QTMAN: variants seen among roughly 807,000 people sequenced by gnomAD.
QTMAN encodes queuosine-tRNA mannosyltransferase.
the QTMAN span, among the ~76,000 whole-genome samples, chr2:144,142,797 C>T: frequency 6.6e-6 from 1 of 151,982 alleles, no homozygotes; most frequent in Admixed American, 6.6e-5. Flanking sequence ...TAAAGCGCCG[C>T]AACACCATGA....
At chr2:144,262,963 A>AGAGGGGAGGG in the QTMAN span, among the ~76,000 whole-genome samples, 1 of 55,400 alleles carries the variant, frequency 1.8e-5, no homozygotes, top group African/African-American at 7.5e-5. Flanking sequence ...GGAAGGGAGG[A>AGAGGGGAGGG]GAGGGGAAGG....
chr2:144,004,493 T>C, the QTMAN span, among the ~76,000 whole-genome samples: 1 of 151,950 alleles, frequency 6.6e-6, no homozygotes, highest in African/African-American at 2.4e-5. Context: ...ATAAATCAGA[T>C]GATAAAGCAT....
the QTMAN span, among the ~76,000 whole-genome samples, chr2:144,187,814 C>T: frequency 5.9e-5 from 9 of 152,080 alleles, 1 homozygote; most frequent in South Asian, 4.1e-4. Flanking sequence ...CCCATAGTAC[C>T]TGTGAATGTG....
At chr2:144,239,544 T>C in the QTMAN span, among the ~76,000 whole-genome samples, 2 of 152,308 alleles carry the variant, frequency 1.3e-5, no homozygotes, top group African/African-American at 2.4e-5. Context: ...CTGCTAAAGC[T>C]ACAATCTCTC....
At chr2:144,184,017 G>A in the QTMAN span, among the ~76,000 whole-genome samples, 4 of 152,298 alleles carry the variant, frequency 2.6e-5, no homozygotes, top group East Asian at 7.7e-4. Context: ...CGGCTCGTGG[G>A]CTGACCACAT....
At chr2:144,329,469 A>C in the QTMAN span, among the ~76,000 whole-genome samples, 2 of 152,252 alleles carry the variant, frequency 1.3e-5, no homozygotes, top group African/African-American at 4.8e-5. Flanking sequence ...ATATGCTGAA[A>C]AACATATCCT....
the QTMAN span, among the ~76,000 whole-genome samples, chr2:143,966,200 C>T: frequency 5.3e-5 from 8 of 152,256 alleles, no homozygotes; most frequent in Non-Finnish European, 7.4e-5. Flanking sequence ...TGGTTTCAGG[C>T]GAGTGACTTA....
the QTMAN span, chr2:143,939,549 T>G: frequency 7.9e-5 from 12 of 152,320 alleles, no homozygotes; most frequent in East Asian, 2.3e-3. Flanking sequence ...TTGACTATCT[T>G]TGTCCATAGC....
At chr2:144,332,594 G>A in the QTMAN span, 1 of 149,826 alleles carries the variant, frequency 6.7e-6, no homozygotes, top group Non-Finnish European at 1.5e-5. Context: ...TCAGGCGCTG[G>A]TCCCGCCCCT....
At chr2:144,266,537 A>T in the QTMAN span, among the ~76,000 whole-genome samples, 7 of 152,226 alleles carry the variant, frequency 4.6e-5, no homozygotes, top group African/African-American at 1.7e-4. Context: ...GAGACATTGT[A>T]CCAATCGATA....
At chr2:144,198,920 T>C in the QTMAN span, among the ~76,000 whole-genome samples, 8 of 152,302 alleles carry the variant, frequency 5.3e-5, no homozygotes, top group African/African-American at 1.4e-4. Flanking sequence ...CTGTGAACTT[T>C]TGTTCACAAT....
chr2:144,025,586 A>C, the QTMAN span, among the ~76,000 whole-genome samples: 5 of 152,332 alleles, frequency 3.3e-5, no homozygotes, highest in South Asian at 8.3e-4. Context: ...AGGGCAAGGT[A>C]CATGCAAGTA....
chr2:144,025,980 T>A, the QTMAN span, among the ~76,000 whole-genome samples: 2 of 151,172 alleles, frequency 1.3e-5, no homozygotes, highest in East Asian at 2.0e-4. Context: ...TTCTCAGATC[T>A]TCTTCTTGTG....
chr2:144,172,387 G>A, the QTMAN span, among the ~76,000 whole-genome samples: 1 of 152,136 alleles, frequency 6.6e-6, no homozygotes, highest in African/African-American at 2.4e-5. Flanking sequence ...TTGGGAGGCT[G>A]AGATGGGCAG....
the QTMAN span, among the ~76,000 whole-genome samples, chr2:144,320,640 A>G: frequency 4.6e-5 from 7 of 152,286 alleles, no homozygotes; most frequent in South Asian, 2.1e-4. Context: ...TTTCTGCTTT[A>G]TATCAACCAT....
At chr2:143,952,008 C>G in the QTMAN span, 1 of 1,586,332 alleles carries the variant, frequency 6.3e-7, no homozygotes. Flanking sequence ...CTTATAATAT[C>G]TGGTCTCTTG....
chr2:143,957,898 T>TGAAG, the QTMAN span, among the ~76,000 whole-genome samples: 2 of 151,730 alleles, frequency 1.3e-5, no homozygotes, highest in Admixed American at 1.3e-4. Context: ...TGTCGCTGAG[T>TGAAG]GAAGGGAGGT....
At chr2:144,104,179 A>G in the QTMAN span, among the ~76,000 whole-genome samples, 1 of 152,030 alleles carries the variant, frequency 6.6e-6, no homozygotes, top group South Asian at 2.1e-4. Flanking sequence ...TCCCAGCGTG[A>G]GCAATGCAGA....
the QTMAN span, among the ~76,000 whole-genome samples, chr2:143,972,008 A>G: frequency 5.3e-5 from 8 of 152,182 alleles, no homozygotes; most frequent in Admixed American, 4.6e-4. Context: ...TTAGAGTTCT[A>G]TAGCCATTTA....
Sources: gnomAD v4.1 joint callset for allele counts (sites outside exome capture counted in the v4.1 genomes callset) on GRCh38, gnomAD v4.1.1 for gene constraint, MANE v1.5 for transcripts, NCBI Gene and HGNC (gene_info 2026-07-23, HGNC 2026-07-21) for gene names.